The following CHD7 variants were observed in gnomAD, a reference collection of about 807,000 sequenced individuals.
CHD7 encodes the protein chromodomain helicase DNA binding protein 7.
Under a neutral mutation model 307.3 loss-of-function variants are expected in CHD7, and 24 were observed. The observed-to-expected ratio is 0.08, with a 90% CI of 0.06 to 0.11. CHD7 has a LOEUF of 0.11. Among genes scored for constraint, CHD7 ranks in the 10% least tolerant of loss-of-function variants. CHD7 has a pLI of 1.00. For synonymous variants in CHD7, 1,363 were observed against 1,349.9 expected (o/e 1.01, Z -0.21); for missense variants, 3,106 against 3,727.1 (o/e 0.83, Z 4.34).
At chr8:60,754,454 A>G (rs749699393) in intron 2 of CHD7, among the ~76,000 whole-genome samples, 12 of 152,244 alleles carry the variant, frequency 7.9e-5, no homozygotes, top group Non-Finnish European at 1.6e-4. Flanking sequence ...AGTGATTATC[A>G]AAATGAGCTT....
At chr8:60,846,242 C>T (rs1279250584) in intron 23 of CHD7, among the ~76,000 whole-genome samples, 2 of 152,126 alleles carry the variant, frequency 1.3e-5, no homozygotes, top group African/African-American at 2.4e-5. Context: ...CAACTAACTG[C>T]GTACAGTGGA....
intron 34 of CHD7, among the ~76,000 whole-genome samples, chr8:60,859,104 T>G (rs1805847915): frequency 6.6e-6 from 1 of 152,198 alleles, no homozygotes; most frequent in Non-Finnish European, 1.5e-5. Context: ...CTGAGAGAAT[T>G]CCTAATTGAA....
intron 30 of CHD7, 55 bp downstream of exon 30, chr8:60,852,761 A>G (rs1805509844): frequency 6.2e-7 from 1 of 1,610,780 alleles, no homozygotes; most frequent in Non-Finnish European, 8.5e-7. Flanking sequence ...AGTGAAAAAT[A>G]AGAAAGTGTA....
intron 1 of CHD7, among the ~76,000 whole-genome samples, chr8:60,718,136 A>G (rs185387447): frequency 3.0e-4 from 45 of 152,212 alleles, no homozygotes; most frequent in African/African-American, 9.9e-4. Flanking sequence ...GATGATCCCA[A>G]CCTGTGTAGG....
intron 1 of CHD7, among the ~76,000 whole-genome samples, chr8:60,739,245 T>TGTC (rs1808869671): frequency 1.3e-5 from 2 of 152,238 alleles, no homozygotes; most frequent in Non-Finnish European, 2.9e-5. Flanking sequence ...TATGTAGACG[T>TGTC]TACTTTCCTT....
At chr8:60,744,406 G>A (rs144740878) in intron 2 of CHD7, among the ~76,000 whole-genome samples, 70 of 151,298 alleles carry the variant, frequency 4.6e-4, no homozygotes, top group African/African-American at 1.7e-3. Flanking sequence ...GGGAGCAGAA[G>A]GCATTGAAGC....
intron 7 of CHD7, among the ~76,000 whole-genome samples, chr8:60,809,835 T>C (rs917446435): frequency 4.6e-5 from 7 of 152,172 alleles, no homozygotes. Context: ...ACAAAGAATT[T>C]CTGTTTTTCT....
intron 34 of CHD7, among the ~76,000 whole-genome samples, chr8:60,860,349 G>A (rs1351496800): frequency 6.6e-6 from 1 of 152,224 alleles, no homozygotes; most frequent in African/African-American, 2.4e-5. Context: ...GGATTTCAGA[G>A]CATGGAACCT....
In CHD7 at chr8:60,865,933, ACCAGTACCAGTT is replaced by A. The variant is rs1160698916; in HGVS notation, c.*6_*17del. 11 of 1,592,598 alleles carry A rather than the reference ACCAGTACCAGTT, an allele frequency of 6.9e-6. No homozygotes were observed. The highest frequency in any genetic ancestry group is 3.5e-5 in the Admixed American group (2 of 56,538). ...TAGAAAACAATGAAAATGATGAATA[ACCAGTACCAGTT>A]CCAGTTCAAGTGTTTAAAACTTTTG... On this transcript the variant is annotated 3_prime_UTR_variant, in exon 38 of 38. Coordinates refer to ENST00000423902, the MANE Select transcript of CHD7 (RefSeq NM_017780.4). This position sits in a 1 kb window ranked among gnomAD's most constrained non-coding sequence, Gnocchi z 4.3.
chr8:60,857,431 T>A (rs1805765984), intron 34 of CHD7, among the ~76,000 whole-genome samples: 2 of 152,202 alleles, frequency 1.3e-5, no homozygotes, highest in South Asian at 4.1e-4. Context: ...GGAAATAAAT[T>A]AATGCAGTAT....
Position 60,865,403 on chromosome 8 carries a change from G to C in CHD7, c.8464G>C (p.Ala2822Pro). ...CGGGCTGTTGAATAACCCTCTGTCA[G>C]CTGCTACTGGAAACACCACTACTGC... Reference protein sequence around the residue: ...LGGLLNNPLSAATGNTTTASS... With the variant: ...LGGLLNNPLSPATGNTTTASS... The change falls in exon 38 of 38, where the codon GCT becomes CCT. Residue 2822 changes from alanine to proline, a missense_variant. By Grantham distance (27) the Ala-to-Pro change is conservative. Coordinates refer to ENST00000423902, the MANE Select transcript of CHD7 (RefSeq NM_017780.4). This position sits in a 1 kb window ranked among gnomAD's most constrained non-coding sequence, Gnocchi z 4.3. 1 of 1,613,686 alleles carries C rather than the reference G, an allele frequency of 6.2e-7. No individual in the cohort carries two copies. The highest frequency in any genetic ancestry group is 1.3e-5 in the African/African-American group (1 of 75,062).
intron 1 of CHD7, among the ~76,000 whole-genome samples, chr8:60,707,055 T>C (rs1374205988): frequency 4.6e-5 from 7 of 152,042 alleles, no homozygotes. Flanking sequence ...CACCTATGAG[T>C]GAGAACATGC....
intron 2 of CHD7, among the ~76,000 whole-genome samples, chr8:60,761,035 A>T (rs1389188316): frequency 1.3e-5 from 2 of 152,120 alleles, no homozygotes; most frequent in African/African-American, 4.8e-5. Flanking sequence ...ATAAAGACAC[A>T]TGCACACGTA....
At chr8:60,741,188 G>T in intron 1 of CHD7, 71 bp from the exon 2 acceptor site, 1 of 514,570 alleles carries the variant, frequency 1.9e-6, no homozygotes, top group Non-Finnish European at 3.4e-6. Context: ...CAAAATACTG[G>T]CAGTTTTTAT....
intron 4 of CHD7, among the ~76,000 whole-genome samples, chr8:60,799,912 A>G (rs897315777): frequency 1.4e-4 from 21 of 151,926 alleles, no homozygotes; most frequent in African/African-American, 4.8e-4. Context: ...ACCCATTTCT[A>G]TTGTATTTGT....
chr8:60,864,447 C>T (rs1373329340), intron 37 of CHD7: 1 of 153,516 alleles, frequency 6.5e-6, no homozygotes, highest in Admixed American at 6.4e-5. Flanking sequence ...TATAATTATA[C>T]ATTATGTACT....
intron 2 of CHD7, among the ~76,000 whole-genome samples, chr8:60,778,922 G>A (rs1811075501): frequency 6.6e-6 from 1 of 152,196 alleles, no homozygotes; most frequent in African/African-American, 2.4e-5. Context: ...AAAGGATAGA[G>A]GGGCAGAGGG....
intron 8 of CHD7, among the ~76,000 whole-genome samples, chr8:60,818,796 A>G (rs1199123584): frequency 1.3e-5 from 2 of 152,240 alleles, no homozygotes; most frequent in African/African-American, 4.8e-5. Flanking sequence ...AGGGATAAGA[A>G]TGGTGTCTAA....
intron 1 of CHD7, among the ~76,000 whole-genome samples, chr8:60,682,229 C>G (rs1000448148): frequency 5.3e-5 from 8 of 152,178 alleles, no homozygotes; most frequent in African/African-American, 1.9e-4. Flanking sequence ...CTTACAGGAA[C>G]ATTTCCTAAA....
Sources: gnomAD v4.1 joint callset for allele counts (sites outside exome capture counted in the v4.1 genomes callset) on GRCh38, gnomAD v4.1.1 for gene constraint, Gnocchi (gnomAD v3.1) non-coding constraint, MANE v1.5 for transcripts, NCBI Gene and HGNC (gene_info 2026-07-23, HGNC 2026-07-21) for gene names.